PTPRM: variants seen among roughly 807,000 people sequenced by gnomAD.
PTPRM encodes receptor-type tyrosine-protein phosphatase mu.
Under a neutral mutation model 186.7 loss-of-function variants are expected in PTPRM, and 47 were observed. The ratio of observed to expected loss-of-function variants is 0.25; its 90% CI spans 0.20 to 0.32. PTPRM has a LOEUF of 0.32. Ranked by LOEUF, PTPRM falls within the 10% of genes least tolerant of loss-of-function variation. The pLI is 1.00. For synonymous variants in PTPRM, 668 were observed against 674.9 expected (o/e 0.99, Z 0.16); for missense variants, 1,494 against 1,865.0 (o/e 0.80, Z 3.66).
intron 14 of PTPRM, among the ~76,000 whole-genome samples, chr18:8,194,327 A>G (rs2093746678): frequency 6.6e-6 from 1 of 152,200 alleles, no homozygotes; most frequent in African/African-American, 2.4e-5. Context: ...AACACTGGTT[A>G]TTTTAGCCAA....
chr18:8,237,447 T>A (rs867174881), intron 14 of PTPRM, among the ~76,000 whole-genome samples: 36 of 118,082 alleles, frequency 3.0e-4, no homozygotes, highest in East Asian at 2.1e-3. Flanking sequence ...TTTTTTTTTT[T>A]TTTTTTTTTT....
Position 7,888,106 on chromosome 18 carries a change from G to A in PTPRM, c.197G>A (p.Gly66Asp). Residue 66 changes from glycine to aspartate, a missense_variant and splice_region_variant, in exon 3 of 33, where the codon GGT becomes GAT. By Grantham distance (94) the Gly-to-Asp change is moderately conservative. Coordinates refer to ENST00000580170, the MANE Select transcript of PTPRM (RefSeq NM_001105244.2). ...KPTSDPWMPS[G>D]SFMLVNASGR... ...ACTCTCCTTGATTTTGTTTTTGCAG[G>A]TTCTTTCATGCTGGTGAATGCCTCT... 2.5e-6 allele frequency: 4 copies of A among 1,614,094 alleles called. No homozygotes were observed. The highest frequency in any genetic ancestry group is 3.4e-6 in the Non-Finnish European group (4 of 1,179,986).
At chr18:7,754,086 T>C (rs1189044812) in intron 1 of PTPRM, among the ~76,000 whole-genome samples, 1 of 152,230 alleles carries the variant, frequency 6.6e-6, no homozygotes, top group African/African-American at 2.4e-5. Context: ...ATATTTCCAG[T>C]ATGTGAAAAT....
At chr18:8,247,161 C>T (rs114484643) in intron 15 of PTPRM, among the ~76,000 whole-genome samples, 18 of 152,048 alleles carry the variant, frequency 1.2e-4, no homozygotes, top group African/African-American at 3.9e-4. Context: ...CCATGAAGAG[C>T]GTTTTAAAAT....
chr18:7,674,889 AT>A (rs550637819), intron 1 of PTPRM, among the ~76,000 whole-genome samples: 212 of 152,348 alleles, frequency 1.4e-3, no homozygotes, highest in Non-Finnish European at 2.2e-3. Flanking sequence ...GATTTTGCTT[AT>A]AGGGAAAAAC....
At chr18:7,678,485 C>A (rs1392791439) in intron 1 of PTPRM, among the ~76,000 whole-genome samples, 1 of 152,086 alleles carries the variant, frequency 6.6e-6, no homozygotes, top group African/African-American at 2.4e-5. Flanking sequence ...CATTTTGTAC[C>A]CTTGCCTGGA....
intron 7 of PTPRM, among the ~76,000 whole-genome samples, chr18:7,986,939 A>G (rs1411653824): frequency 6.6e-6 from 1 of 152,232 alleles, no homozygotes; most frequent in Non-Finnish European, 1.5e-5. Context: ...GGGAGGACAC[A>G]GGGAGAACAC....
At chr18:8,263,256 GCACCACCA>G (rs1254018518) in intron 19 of PTPRM, among the ~76,000 whole-genome samples, 2 of 151,954 alleles carry the variant, frequency 1.3e-5, no homozygotes, top group Non-Finnish European at 2.9e-5. Flanking sequence ...CTACAGGCAA[GCACCACCA>G]CACCCGGCTA....
intron 11 of PTPRM, 71 bp from the exon 12 acceptor site, chr18:8,113,415 A>G (rs2091838942): frequency 2.1e-6 from 3 of 1,407,794 alleles, no homozygotes; most frequent in East Asian, 2.3e-5. Context: ...CTGTGGGTCC[A>G]TGCAGTTGAA....
chr18:7,819,428 C>T (rs1157591172), intron 2 of PTPRM, among the ~76,000 whole-genome samples: 1 of 45,378 alleles, frequency 2.2e-5, no homozygotes, highest in Non-Finnish European at 6.5e-5. Flanking sequence ...CAAAAGAGCA[C>T]ACCGACAGTT....
At chr18:7,575,201 G>A (rs1278346409) in intron 1 of PTPRM, among the ~76,000 whole-genome samples, 2 of 152,152 alleles carry the variant, frequency 1.3e-5, no homozygotes, top group Non-Finnish European at 2.9e-5. Flanking sequence ...TCTTTTAACA[G>A]ATTGATCCTG....
intron 20 of PTPRM, among the ~76,000 whole-genome samples, chr18:8,300,062 G>A (rs1320049091): frequency 3.3e-5 from 5 of 152,138 alleles, no homozygotes; most frequent in Non-Finnish European, 7.3e-5. Flanking sequence ...GAGGCGGGAT[G>A]GGTTTAAATC....
At chr18:8,017,508 G>A (rs1194520796) in intron 7 of PTPRM, among the ~76,000 whole-genome samples, 5 of 149,366 alleles carry the variant, frequency 3.3e-5, no homozygotes, top group African/African-American at 5.0e-5. Context: ...GCTTGGACCC[G>A]GGAGGCAGAG....
At chr18:7,628,178 G>A (rs749620403) in intron 1 of PTPRM, among the ~76,000 whole-genome samples, 14 of 151,700 alleles carry the variant, frequency 9.2e-5, no homozygotes, top group Non-Finnish European at 1.3e-4. Context: ...ACACATGCAC[G>A]CACACACACA....
At chr18:7,950,902 G>A (rs2052906131) in intron 6 of PTPRM, among the ~76,000 whole-genome samples, 1 of 152,164 alleles carries the variant, frequency 6.6e-6, no homozygotes, top group South Asian at 2.1e-4. Flanking sequence ...CCTCCAATGA[G>A]TCAGCCATAT....
rs1262062629 is a variant in PTPRM at position 7,581,133 on chromosome 18, C to T, written c.73+13242C>T. 3.3e-5 allele frequency among the ~76,000 whole-genome samples: 5 copies of T among 152,198 alleles called. 1 individual carries two copies. The highest frequency in any genetic ancestry group is 1.2e-4 in the African/African-American group (5 of 41,454). ...GGAACTTTTATATTGAACTGAAAAC[C>T]TCAGTCAAAGCTGGCCTGCATCAAA... On this transcript the variant is annotated intron_variant, in intron 1 of 32. Coordinates refer to ENST00000580170, the MANE Select transcript of PTPRM (RefSeq NM_001105244.2).
chr18:8,153,760 G>C (rs1221857646), intron 14 of PTPRM, among the ~76,000 whole-genome samples: 1 of 152,144 alleles, frequency 6.6e-6, no homozygotes, highest in Non-Finnish European at 1.5e-5. Context: ...ATTAATCATA[G>C]AAAAATTGTT....
intron 14 of PTPRM, among the ~76,000 whole-genome samples, chr18:8,159,112 A>G (rs1247690256): frequency 6.6e-6 from 1 of 152,220 alleles, no homozygotes; most frequent in Non-Finnish European, 1.5e-5. Flanking sequence ...AGATTCATTT[A>G]TAGAAAATTA....
chr18:7,716,161 A>T (rs2040325778), intron 1 of PTPRM, among the ~76,000 whole-genome samples: 1 of 152,150 alleles, frequency 6.6e-6, no homozygotes. Flanking sequence ...ACCAAAACAG[A>T]TATATAGACC....
Sources: allele counts gnomAD v4.1 joint callset (sites outside exome capture counted in the v4.1 genomes callset), GRCh38; gene constraint gnomAD v4.1.1; transcripts MANE v1.5; gene names NCBI Gene and HGNC (gene_info 2026-07-23, HGNC 2026-07-21).